The following SALL3 variants were observed in gnomAD, a reference collection of about 807,000 sequenced individuals.
SALL3 encodes the protein sal-like protein 3.
Under a neutral mutation model 66.2 loss-of-function variants are expected in SALL3, and 25 were observed. That is an observed-to-expected ratio of 0.38 (90% CI 0.28 to 0.53). The LOEUF (loss-of-function observed/expected upper bound fraction) is 0.53, where lower values mean the gene tolerates loss of function less well. SALL3 is among the 20% of genes least tolerant of loss of function. The pLI is 0.85. For missense variants in SALL3, 2,194 were observed against 1,916.5 expected, an observed-to-expected ratio of 1.14 and a Z score of -2.70; for synonymous variants, 1,152 against 899.1, an observed-to-expected ratio of 1.28 and a Z score of -5.03.
Position 78,994,694 on chromosome 18 carries a change from C to G in SALL3, c.2703C>G (p.Ser901=), listed in dbSNP as rs532617544. ...GCCCCGCCCTGTCCGAGTCCTCGTC[C>G]TCGCAGGCCCTGTCGCCGGCCCCCA... The part of the protein sequence containing the change: ...AGSPALSESS[S]SQALSPAPSN... The change falls in exon 2 of 3, where the codon TCC becomes TCG. Residue 901 remains serine (S), a synonymous_variant. Coordinates refer to ENST00000537592, the MANE Select transcript of SALL3 (RefSeq NM_171999.4). 2 of 1,606,840 alleles carry G rather than the reference C, an allele frequency of 1.2e-6. No homozygotes were observed. The highest frequency in any genetic ancestry group is 1.3e-5 in the African/African-American group (1 of 75,018).
chr18:78,995,388 C>T lies in SALL3; in HGVS notation c.3397C>T (p.Arg1133Cys). 1 of 1,585,612 alleles carries T rather than the reference C, an allele frequency of 6.3e-7. No homozygotes were observed. ...SSASALQIHE[R>C]THTGEKPFGC... The stretch of plus-strand genomic sequence containing the variant: ...GGCCAGCGCCCTGCAGATCCATGAG[C>T]GCACGCACACCGGCGAGAAGCCGTT... Residue 1133 changes from arginine to cysteine, a missense_variant, in exon 2 of 3, where the codon CGC (arginine) becomes TGC (cysteine). Coordinates refer to ENST00000537592, the MANE Select transcript of SALL3 (RefSeq NM_171999.4).
rs1367732887 is a variant in SALL3, at chr18:78,992,830, C to T, written c.839C>T (p.Pro280Leu). 3.1e-6 allele frequency: 3 copies of T among 980,082 alleles called. No homozygotes were observed. In the East Asian group the frequency reaches 3.4e-4, roughly 112 times the overall value. The allele number at this position is 980,082 out of a possible 1,614,324, so 60.7% of individuals were successfully genotyped here. The change falls in exon 2 of 3, where the codon CCC (proline) becomes CTC (leucine). Residue 280 changes from proline (P) to leucine (L), a missense_variant. Pro to Leu is a moderately conservative substitution (Grantham distance 98, BLOSUM62 -3). Coordinates refer to ENST00000537592, the MANE Select transcript of SALL3 (RefSeq NM_171999.4). Reference protein sequence around the residue: ...APAAAIAGSGPAAPAAFEGAQ... With the variant: ...APAAAIAGSGLAAPAAFEGAQ... Reference sequence around the variant, plus strand: ...GCCGCCGCCATCGCGGGCTCGGGCCCCGCCGCCCCGGCCGCCTTCGAGGGC... The same window carrying T: ...GCCGCCGCCATCGCGGGCTCGGGCCTCGCCGCCCCGGCCGCCTTCGAGGGC...
rs1273002000 is a variant in SALL3 at position 78,994,784 on chromosome 18, C to T, written c.2793C>T (p.Ile931=). The change falls in exon 2 of 3, where the codon ATC becomes ATT. Residue 931 remains isoleucine, a synonymous_variant. Transcript: ENST00000537592. ...GLGAPEEPQE[I]PLKTERPDSP... The stretch of plus-strand genomic sequence containing the variant: ...GCGCCCCGGAGGAGCCCCAGGAAAT[C>T]CCGCTCAAGACCGAGAGGCCGGACA... 1 of 1,599,198 alleles carries T rather than the reference C, an allele frequency of 6.3e-7. No homozygotes were observed. Among genetic ancestry groups the T allele is most frequent in the Non-Finnish European group, 8.5e-7 (1 of 1,176,130 alleles).
rs1199538514 is a variant in SALL3, at chr18:78,993,157, C to T, written c.1166C>T (p.Pro389Leu). 1.9e-6 allele frequency: 3 copies of T among 1,606,456 alleles called. No individual in the cohort carries two copies. Among genetic ancestry groups the T allele is most frequent in the Non-Finnish European group, 2.5e-6 (3 of 1,177,598 alleles). The change falls in exon 2 of 3, where the codon CCG (proline) becomes CTG (leucine). Residue 389 changes from proline to leucine, a missense_variant. By Grantham distance (98) the Pro-to-Leu change is moderately conservative. Coordinates refer to ENST00000537592, the MANE Select transcript of SALL3 (RefSeq NM_171999.4). ...SIAATANALD[P>L]LSALMKHRKG... ...GCGGCCACGGCCAACGCTCTGGACC[C>T]GCTGTCCGCGCTCATGAAGCACCGC...
chr18:78,984,463 A>G (rs1368215593), intron 1 of SALL3, among the ~76,000 whole-genome samples: 1 of 152,200 alleles, frequency 6.6e-6, no homozygotes, highest in African/African-American at 2.4e-5. Flanking sequence ...TTATTTTCCT[A>G]CATGATTTGT....
chr18:78,993,924 G>T lies in SALL3; in HGVS notation c.1933G>T (p.Ala645Ser). 1 of 1,605,970 alleles carries T rather than the reference G, an allele frequency of 6.2e-7. No homozygotes were observed. The highest frequency in any genetic ancestry group is 1.7e-5 in the Admixed American group (1 of 59,416). The change falls in exon 2 of 3, where the codon GCC (alanine) becomes TCC (serine). Residue 645 changes from alanine to serine, a missense_variant. Ala to Ser is a moderately conservative substitution (Grantham distance 99). Coordinates refer to ENST00000537592, the MANE Select transcript of SALL3 (RefSeq NM_171999.4). Reference sequence around the variant, plus strand: ...GCCCGCCGTCTCCGAGCAGTTCAAGGCCCAGTTTCCGTTCGGGGGGCTGCT... The same window carrying T: ...GCCCGCCGTCTCCGAGCAGTTCAAGTCCCAGTTTCCGTTCGGGGGGCTGCT... ...GLPAVSEQFK[A>S]QFPFGGLLDS...
rs779542604 is a variant in SALL3 at position 78,997,257 on chromosome 18, G to C, written c.3838G>C (p.Glu1280Gln). ...PIVSLDKASS[E>Q]TAASRPFTRF... is the part of the protein sequence containing the mutation. ...CGTCAGCTTGGACAAAGCGAGCTCAGAAACAGCAGCCAGCCGCCCATTCAC... is the reference window on the plus strand; with the variant it reads ...CGTCAGCTTGGACAAAGCGAGCTCACAAACAGCAGCCAGCCGCCCATTCAC... Residue 1280 changes from glutamate (E) to glutamine (Q), a missense_variant, in exon 3 of 3, where the codon GAA (glutamate) becomes CAA (glutamine). Physicochemically the swap from Glu to Gln is conservative, Grantham distance 29. Coordinates refer to ENST00000537592, the MANE Select transcript of SALL3 (RefSeq NM_171999.4). The C allele has an allele frequency of 2.5e-5, 40 of 1,613,902 alleles. No individual in the cohort carries two copies. Among genetic ancestry groups the C allele is most frequent in the Non-Finnish European group, 3.4e-5 (40 of 1,180,052 alleles).
chr18:78,995,785 C>T (rs1337728820), intron 2 of SALL3, among the ~76,000 whole-genome samples: 2 of 151,950 alleles, frequency 1.3e-5, no homozygotes, highest in Non-Finnish European at 2.9e-5. Context: ...TGCAAATGTG[C>T]ATGTCGTGTG....
Position 78,992,465 on chromosome 18 carries a change from C to T in SALL3, c.474C>T (p.Ala158=). The T allele has an allele frequency of 6.9e-7, 1 of 1,442,732 alleles. No homozygotes were observed. Among genetic ancestry groups the T allele is most frequent in the Non-Finnish European group, 9.1e-7 (1 of 1,102,578 alleles). The allele number at this position is 1,442,732 out of a possible 1,614,324, so 89.4% of individuals were successfully genotyped here. The part of the protein sequence containing the change: ...PPAAPAPPTP[A]YGAPSTNVTL... The stretch of plus-strand genomic sequence containing the variant: ...CGGCCCCTGCACCCCCAACGCCCGC[C>T]TACGGCGCGCCCAGCACCAACGTGA... The change falls in exon 2 of 3, where the codon GCC becomes GCT. Residue 158 remains alanine (A), a synonymous_variant. Coordinates refer to ENST00000537592, the MANE Select transcript of SALL3 (RefSeq NM_171999.4).
intron 1 of SALL3, among the ~76,000 whole-genome samples, chr18:78,987,976 TAAAC>T (rs539967670): frequency 1.7e-3 from 261 of 152,356 alleles, no homozygotes; most frequent in Admixed American, 2.8e-3. Flanking sequence ...ATTCGCCCCT[TAAAC>T]AAAGAGAGGA....
rs1914653466 is a variant in SALL3, at chr18:78,995,326, A to C, written c.3335A>C (p.Gln1112Pro). The part of the protein sequence containing the change: ...LAPPPRRTPK[Q>P]HNCQSCGKTF... ...CCCCCACCGCGCCGGACGCCCAAGC[A>C]GCACAACTGCCAGTCGTGCGGGAAG... Residue 1112 changes from glutamine (Q) to proline (P), a missense_variant, in exon 2 of 3, where the codon CAG becomes CCG. Coordinates refer to ENST00000537592, the MANE Select transcript of SALL3 (RefSeq NM_171999.4). 1 of 1,570,166 alleles carries C rather than the reference A, an allele frequency of 6.4e-7. No homozygotes were observed. Among genetic ancestry groups the C allele is most frequent in the South Asian group, 1.1e-5 (1 of 87,798 alleles).
In SALL3 at chr18:78,994,244, C is replaced by T. The variant is rs1914592782; in HGVS notation, c.2253C>T (p.Ala751=). 2.5e-6 allele frequency: 4 copies of T among 1,613,736 alleles called. No individual in the cohort carries two copies. The highest frequency in any genetic ancestry group is 2.2e-5 in the South Asian group (2 of 91,078). The change falls in exon 2 of 3, where the codon GCC becomes GCT. Residue 751 remains alanine (A), a synonymous_variant. Coordinates refer to ENST00000537592, the MANE Select transcript of SALL3 (RefSeq NM_171999.4). ...CPICQKKFTN[A]VVLQQHIRMH... is the part of the protein sequence containing the mutation. ...TCTGCCAGAAGAAGTTCACCAACGC[C>T]GTGGTCCTGCAGCAGCACATCCGCA...
Position 78,997,646 on chromosome 18 carries a change from G to A in SALL3, c.*324G>A, listed in dbSNP as rs2146223531. On this transcript the variant is annotated 3_prime_UTR_variant, in exon 3 of 3. Transcript: ENST00000537592. ...TAATAATCTCTCCGAGGGAGAAAGG[G>A]GTTCTCTGCGGTATTCCAGTGAAAC... 2.9e-6 allele frequency: 1 copy of A among 350,562 alleles called. No homozygotes were observed. Among genetic ancestry groups the A allele is most frequent in the East Asian group, 4.5e-5 (1 of 22,050 alleles). The allele number at this position is 350,562 out of a possible 1,614,324, so 21.7% of individuals were successfully genotyped here.
intron 1 of SALL3, chr18:78,991,600 G>A (rs1442768946): frequency 1.3e-5 from 2 of 158,334 alleles, no homozygotes; most frequent in Middle Eastern, 3.0e-3. Context: ...AGAAATCCGC[G>A]TGGTGGGGAC....
Position 78,994,258 on chromosome 18 carries a change from A to C in SALL3, c.2267A>C (p.Gln756Pro). The change falls in exon 2 of 3, where the codon CAG (glutamine) becomes CCG (proline). Residue 756 changes from glutamine to proline, a missense_variant. Physicochemically the swap from Gln to Pro is moderately conservative, Grantham distance 76. Transcript: ENST00000537592. ...TTCACCAACGCCGTGGTCCTGCAGC[A>C]GCACATCCGCATGCACATGGGCGGC... ...KKFTNAVVLQ[Q>P]HIRMHMGGQI... The C allele has an allele frequency of 6.2e-7, 1 of 1,613,794 alleles. No homozygotes were observed. Among genetic ancestry groups the C allele is most frequent in the South Asian group, 1.1e-5 (1 of 91,068 alleles).
At chr18:78,987,737 C>A (rs1408417492) in intron 1 of SALL3, among the ~76,000 whole-genome samples, 1 of 152,104 alleles carries the variant, frequency 6.6e-6, no homozygotes, top group East Asian at 1.9e-4. Flanking sequence ...GTTGGTACTT[C>A]CTAAAAGTAG....
rs757862287 is a variant in SALL3 at position 78,997,277 on chromosome 18, A to T, written c.3858A>T (p.Pro1286=). 54 of 1,613,922 alleles carry T rather than the reference A, an allele frequency of 3.3e-5. No individual in the cohort carries two copies. Among genetic ancestry groups the T allele is most frequent in the South Asian group, 3.3e-5 (3 of 91,090 alleles). ...GCTCAGAAACAGCAGCCAGCCGCCC[A>T]TTCACGCGGTTTATCGAGGATAACA... ...KASSETAASR[P]FTRFIEDNKE... Residue 1286 remains proline (P), a synonymous_variant, in exon 3 of 3, where the codon CCA becomes CCT. Coordinates refer to ENST00000537592, the MANE Select transcript of SALL3 (RefSeq NM_171999.4).
rs1051188427 is a variant in SALL3 at position 78,993,405 on chromosome 18, G to A, written c.1414G>A (p.Glu472Lys). ...GAAGGTGCACTTCCAGAGGCACAAG[G>A]AGAAGTACCCCCACATCCAGATGAA... is the stretch of plus-strand genomic sequence containing the variant. ...NLKVHFQRHK[E>K]KYPHIQMNPY... The change falls in exon 2 of 3, where the codon GAG (glutamate) becomes AAG (lysine). Residue 472 changes from glutamate (E) to lysine (K), a missense_variant. Transcript: ENST00000537592. The A allele has an allele frequency of 3.1e-6, 5 of 1,612,732 alleles. No individual in the cohort carries two copies. The highest frequency in any genetic ancestry group is 4.5e-5 in the East Asian group (2 of 44,838).
intron 1 of SALL3, among the ~76,000 whole-genome samples, chr18:78,983,093 G>A (rs1914127619): frequency 6.6e-6 from 1 of 151,924 alleles, no homozygotes; most frequent in Non-Finnish European, 1.5e-5. Context: ...AAAAAGTAAG[G>A]ATAATTTATG....
Sources: allele counts gnomAD v4.1 joint callset (sites outside exome capture counted in the v4.1 genomes callset), GRCh38; gene constraint gnomAD v4.1.1; transcripts MANE v1.5; gene names NCBI Gene and HGNC (gene_info 2026-07-23, HGNC 2026-07-21).